TM9SF2: variants seen among roughly 807,000 people sequenced by gnomAD.
TM9SF2 encodes 76 kDa membrane protein.
Under a neutral mutation model 84.9 loss-of-function variants are expected in TM9SF2, and 13 were observed. That is an observed-to-expected ratio of 0.15 (90% confidence interval 0.10 to 0.24). The LOEUF is 0.24. Among genes scored for constraint, TM9SF2 ranks in the 10% least tolerant of loss-of-function variants. The pLI is 1.00. For missense variants in TM9SF2, 562 were observed against 818.5 expected, an observed-to-expected ratio of 0.69 and a Z score of 3.82; for synonymous variants, 273 against 285.8, an observed-to-expected ratio of 0.96 and a Z score of 0.45.
intron 1 of TM9SF2, among the ~76,000 whole-genome samples, chr13:99,508,438 CACACA>C (rs1566562076): frequency 1.3e-5 from 2 of 151,452 alleles, no homozygotes; most frequent in African/African-American, 4.9e-5. Flanking sequence ...CACACACACA[CACACA>C]CCCCAGAGAT....
intron 4 of TM9SF2, among the ~76,000 whole-genome samples, chr13:99,536,070 T>C (rs1384663698): frequency 6.6e-6 from 1 of 152,126 alleles, no homozygotes; most frequent in Non-Finnish European, 1.5e-5. Context: ...TTTTATTGAA[T>C]AACCTGAGTA....
intron 6 of TM9SF2, among the ~76,000 whole-genome samples, chr13:99,538,323 T>A (rs1245067777): frequency 6.6e-6 from 1 of 152,218 alleles, no homozygotes; most frequent in Non-Finnish European, 1.5e-5. Context: ...CTTCAACTTA[T>A]TATTTTTTAT....
Position 99,501,497 on chromosome 13 carries a change from G to A in TM9SF2, c.-110G>A, listed in dbSNP as rs1237116124. Reference sequence around the variant, plus strand: ...AGCGCAACCGGAACTAGCCTTCTGGGGGCCGGCTTCCTTTATCTCTGGCGG... The same window carrying A: ...AGCGCAACCGGAACTAGCCTTCTGGAGGCCGGCTTCCTTTATCTCTGGCGG... On this transcript the variant is annotated 5_prime_UTR_variant, in exon 1 of 17. Transcript: ENST00000376387. 1.3e-5 allele frequency: 18 copies of A among 1,397,458 alleles called. No individual in the cohort carries two copies. The highest frequency in any genetic ancestry group is 1.6e-5 in the Non-Finnish European group (17 of 1,038,084). The allele number at this position is 1,397,458 out of a possible 1,614,324, so 86.6% of individuals were successfully genotyped here.
chr13:99,542,612 C>A (rs2046265611), intron 9 of TM9SF2, among the ~76,000 whole-genome samples: 1 of 152,052 alleles, frequency 6.6e-6, no homozygotes, highest in South Asian at 2.1e-4. Flanking sequence ...GTCCCCCAAC[C>A]TCTCTGACCT....
intron 16 of TM9SF2, 99 bp from the exon 17 acceptor site, chr13:99,562,592 G>A: frequency 8.8e-7 from 1 of 1,138,676 alleles, no homozygotes. Context: ...TTATAGTTTT[G>A]CGACTTTTTT....
intron 3 of TM9SF2, among the ~76,000 whole-genome samples, chr13:99,521,070 T>G (rs1391225161): frequency 6.6e-6 from 1 of 152,160 alleles, no homozygotes; most frequent in African/African-American, 2.4e-5. Context: ...TTGTATCTGT[T>G]CTCCTACTGT....
At chr13:99,547,879 G>A (rs948325043) in intron 11 of TM9SF2, among the ~76,000 whole-genome samples, 3 of 152,316 alleles carry the variant, frequency 2.0e-5, no homozygotes, top group African/African-American at 4.8e-5. Flanking sequence ...CAACCTTAAT[G>A]TGGGGTTGGG....
chr13:99,552,352 C>G, intron 13 of TM9SF2, 26 bp downstream of exon 13: 1 of 1,598,582 alleles, frequency 6.3e-7, no homozygotes, highest in Non-Finnish European at 8.5e-7. Context: ...TTAACTTATT[C>G]AGGTGAATTT....
At chr13:99,538,122 C>T (rs1261324884) in intron 6 of TM9SF2, among the ~76,000 whole-genome samples, 3 of 152,266 alleles carry the variant, frequency 2.0e-5, no homozygotes, top group East Asian at 1.9e-4. Flanking sequence ...AGCTTTTCCA[C>T]GTGTCAGTGG....
rs1212654037 is a variant in TM9SF2 at position 99,540,120 on chromosome 13, G to A, written c.828+563G>A. 2.6e-5 allele frequency among the ~76,000 whole-genome samples: 4 copies of A among 152,086 alleles called. No individual in the cohort carries two copies. The East Asian group carries it at 7.7e-4, about 29-fold the overall frequency. Reference sequence around the variant, plus strand: ...AGATTGTCTTAGAAAATTGAAGGGAGTATTTTTATTAGCGAAGTTTCTTAA... The same window carrying A: ...AGATTGTCTTAGAAAATTGAAGGGAATATTTTTATTAGCGAAGTTTCTTAA... On this transcript the variant is annotated intron_variant, in intron 7 of 16. Coordinates refer to ENST00000376387, the MANE Select transcript of TM9SF2 (RefSeq NM_004800.3).
chr13:99,550,401 C>G (rs1240274408), intron 12 of TM9SF2, among the ~76,000 whole-genome samples: 3 of 152,182 alleles, frequency 2.0e-5, no homozygotes, highest in Admixed American at 1.3e-4. Context: ...CAATAATGTT[C>G]CCATTTTCAA....
intron 11 of TM9SF2, among the ~76,000 whole-genome samples, chr13:99,547,625 T>C (rs1042612509): frequency 2.0e-5 from 3 of 152,228 alleles, no homozygotes; most frequent in African/African-American, 7.2e-5. Context: ...GTAATATCAT[T>C]AGTCACAATC....
At position 99,520,050 on chromosome 13, in the gene TM9SF2, A is replaced by G. The variant is rs2046152564; in HGVS notation, c.254A>G (p.Gln85Arg). 6.2e-7 allele frequency: 1 copy of G among 1,613,024 alleles called. No homozygotes were observed. Among genetic ancestry groups the G allele is most frequent in the Non-Finnish European group, 8.5e-7 (1 of 1,179,706 alleles). ...TCTTCTCCCAGGTTTGATTTTTGCC[A>G]AGCATCAGAAGGAAAGCGCCCATCT... ...PYEYTAFDFC[Q>R]ASEGKRPSEN... is the part of the protein sequence containing the mutation. The change falls in exon 3 of 17, where the codon CAA becomes CGA. Residue 85 changes from glutamine (Q) to arginine (R), a missense_variant. Gln to Arg is a conservative substitution (Grantham distance 43). Coordinates refer to ENST00000376387, the MANE Select transcript of TM9SF2 (RefSeq NM_004800.3).
At chr13:99,509,594 T>C (rs2046104547) in intron 1 of TM9SF2, among the ~76,000 whole-genome samples, 2 of 152,306 alleles carry the variant, frequency 1.3e-5, no homozygotes, top group African/African-American at 2.4e-5. Flanking sequence ...CTTTGAGCCA[T>C]GGCTGGAGCT....
chr13:99,539,213 A>G (rs1315289121), intron 6 of TM9SF2, among the ~76,000 whole-genome samples: 1 of 150,802 alleles, frequency 6.6e-6, no homozygotes, highest in Non-Finnish European at 1.5e-5. Flanking sequence ...CTGTCCCAAA[A>G]AAAAAAAAGA....
intron 10 of TM9SF2, among the ~76,000 whole-genome samples, chr13:99,546,081 C>G (rs1422881254): frequency 6.6e-6 from 1 of 152,226 alleles, no homozygotes; most frequent in Non-Finnish European, 1.5e-5. Flanking sequence ...TGCATTTTAG[C>G]TGAAATCTTG....
At chr13:99,555,302 G>A (rs564556334) in intron 14 of TM9SF2, among the ~76,000 whole-genome samples, 10 of 152,248 alleles carry the variant, frequency 6.6e-5, no homozygotes, top group African/African-American at 2.4e-4. Context: ...ATGTAAATAA[G>A]TAGAAGTTTC....
At chr13:99,508,995 T>A (rs1211357956) in intron 1 of TM9SF2, among the ~76,000 whole-genome samples, 2 of 152,212 alleles carry the variant, frequency 1.3e-5, no homozygotes, top group African/African-American at 4.8e-5. Context: ...AAATCTTAAC[T>A]GACTGCAGCA....
intron 1 of TM9SF2, among the ~76,000 whole-genome samples, chr13:99,516,468 A>T (rs928777125): frequency 1.3e-4 from 20 of 152,218 alleles, no homozygotes; most frequent in Non-Finnish European, 1.3e-4. Context: ...TTAGCACCAA[A>T]GGTACTTCAG....
Sources: gnomAD v4.1 joint callset for allele counts (sites outside exome capture counted in the v4.1 genomes callset) on GRCh38, gnomAD v4.1.1 for gene constraint, MANE v1.5 for transcripts, NCBI Gene and HGNC (gene_info 2026-07-23, HGNC 2026-07-21) for gene names.